Variants in RAPGEF2 observed in about 807,000 individuals in gnomAD.
RAPGEF2 encodes Rap guanine nucleotide exchange factor 2.
RAPGEF2 carries 54 observed loss-of-function variants against 186.7 expected under a neutral mutation model. That is an observed-to-expected ratio of 0.29 (90% CI 0.23 to 0.36). The LOEUF (loss-of-function observed/expected upper bound fraction) is 0.36. Ranked by LOEUF, RAPGEF2 falls within the 10% of genes least tolerant of loss-of-function variation. The pLI is 1.00. For synonymous variants in RAPGEF2, 712 were observed against 705.9 expected (o/e 1.01, Z -0.14); for missense variants, 1,532 against 2,045.0 (o/e 0.75, Z 4.84).
intron 1 of RAPGEF2, among the ~76,000 whole-genome samples, chr4:159,181,729 G>A (rs1358154176): frequency 6.6e-6 from 1 of 152,002 alleles, no homozygotes; most frequent in African/African-American, 2.4e-5. Flanking sequence ...TAGAGACGGG[G>A]TTTCACCATG....
At chr4:159,229,562 G>T (rs1752400950) in intron 4 of RAPGEF2, 1 of 152,182 alleles carries the variant, frequency 6.6e-6, no homozygotes, top group Admixed American at 6.5e-5. Context: ...CTTTCATGCG[G>T]TGTGGGAGTC....
At chr4:159,270,831 A>C (rs994920499) in intron 7 of RAPGEF2, among the ~76,000 whole-genome samples, 1 of 152,186 alleles carries the variant, frequency 6.6e-6, no homozygotes, top group Non-Finnish European at 1.5e-5. Context: ...ACTAAGATGA[A>C]TACCCATGTG....
chr4:159,164,632 T>A (rs1412142092), intron 1 of RAPGEF2, among the ~76,000 whole-genome samples: 1 of 152,168 alleles, frequency 6.6e-6, no homozygotes, highest in East Asian at 1.9e-4. Context: ...TAGTTATTGT[T>A]GATAAATCAT....
intron 28 of RAPGEF2, among the ~76,000 whole-genome samples, chr4:159,354,508 T>C (rs1731665874): frequency 6.6e-6 from 1 of 152,218 alleles, no homozygotes; most frequent in South Asian, 2.1e-4. Context: ...TGCACGCACA[T>C]TGTTGATAAG....
chr4:159,286,165 G>A (rs2110925279), intron 7 of RAPGEF2, among the ~76,000 whole-genome samples: 1 of 151,200 alleles, frequency 6.6e-6, no homozygotes, highest in South Asian at 2.1e-4. Flanking sequence ...AATCACTGGG[G>A]TTGCCATCTA....
intron 1 of RAPGEF2, among the ~76,000 whole-genome samples, chr4:159,155,108 A>G (rs1743978635): frequency 6.6e-6 from 1 of 152,148 alleles, no homozygotes; most frequent in Non-Finnish European, 1.5e-5. Flanking sequence ...AAATCTCCCC[A>G]GAGATTAACA....
chr4:159,353,008 T>C lies in RAPGEF2; in HGVS notation c.4091+98T>C. ...AGTGTTTGTTTTTATTTATTTTACATAATGCCTAAGAATTTTTCTGCCATC... is the reference window on the plus strand; with the variant it reads ...AGTGTTTGTTTTTATTTATTTTACACAATGCCTAAGAATTTTTCTGCCATC... On this transcript the variant is annotated intron_variant, in intron 27 of 29. Transcript: ENST00000691494. The surrounding 1 kb of genome is among the most constrained non-coding windows in gnomAD (Gnocchi z 4.3). The C allele has an allele frequency of 8.6e-7, 1 of 1,160,234 alleles. No homozygotes were observed. 71.9% of individuals were successfully genotyped at this position (1,160,234 alleles called of 1,614,324 possible). A position where few individuals can be genotyped will look rare whatever the true frequency, so the allele number is the denominator to read the frequency against.
chr4:159,218,860 TGTG>T (rs1751241791), intron 4 of RAPGEF2, among the ~76,000 whole-genome samples: 1 of 152,210 alleles, frequency 6.6e-6, no homozygotes, highest in Non-Finnish European at 1.5e-5. Context: ...GGCTACTAAG[TGTG>T]TAAGAACTGC....
At chr4:159,329,725 A>G (rs978492348) in intron 11 of RAPGEF2, 133 bp from the exon 12 acceptor site, 4 of 648,832 alleles carry the variant, frequency 6.2e-6, no homozygotes, top group Non-Finnish European at 9.9e-6. Flanking sequence ...GGTTCATTAC[A>G]GCATTAATTT....
chr4:159,278,393 T>C (rs1056806446), intron 7 of RAPGEF2, among the ~76,000 whole-genome samples: 1 of 152,184 alleles, frequency 6.6e-6, no homozygotes, highest in Non-Finnish European at 1.5e-5. Flanking sequence ...TCTTATAATT[T>C]ATATGATTTT....
intron 7 of RAPGEF2, among the ~76,000 whole-genome samples, chr4:159,274,015 C>G (rs1758528795): frequency 6.6e-6 from 1 of 152,122 alleles, no homozygotes; most frequent in Admixed American, 6.5e-5. Context: ...CGGTCTTGAG[C>G]TCCTGACCTC....
At chr4:159,293,309 T>C (rs145160507) in intron 7 of RAPGEF2, among the ~76,000 whole-genome samples, 134 of 152,356 alleles carry the variant, frequency 8.8e-4, no homozygotes, top group Middle Eastern at 3.4e-3. Flanking sequence ...GCAGTACTTA[T>C]CACAACTTGA....
At chr4:159,232,495 T>C (rs1752757701) in intron 4 of RAPGEF2, among the ~76,000 whole-genome samples, 2 of 152,202 alleles carry the variant, frequency 1.3e-5, no homozygotes, top group African/African-American at 2.4e-5. Flanking sequence ...TATTCCTTTG[T>C]GTGTGTATGC....
At chr4:159,187,191 A>C (rs1747646897) in intron 2 of RAPGEF2, among the ~76,000 whole-genome samples, 1 of 152,150 alleles carries the variant, frequency 6.6e-6, no homozygotes, top group Non-Finnish European at 1.5e-5. Context: ...TACTTTTACA[A>C]AGTTGAATTC....
At chr4:159,139,986 C>T (rs905290014) in intron 1 of RAPGEF2, among the ~76,000 whole-genome samples, 2 of 152,228 alleles carry the variant, frequency 1.3e-5, no homozygotes, top group East Asian at 3.9e-4. Flanking sequence ...TTGAGTTATA[C>T]CATTTCACCA....
chr4:159,218,170 G>A (rs1292882519), intron 4 of RAPGEF2, among the ~76,000 whole-genome samples: 2 of 152,162 alleles, frequency 1.3e-5, no homozygotes, highest in African/African-American at 2.4e-5. Flanking sequence ...GATAAGTGAG[G>A]GATGGAGTTC....
At chr4:159,164,605 G>A (rs754811787) in intron 1 of RAPGEF2, among the ~76,000 whole-genome samples, 7 of 152,058 alleles carry the variant, frequency 4.6e-5, no homozygotes, top group Non-Finnish European at 1.0e-4. Flanking sequence ...TCAGCACAGT[G>A]TCTGGCATAT....
intron 7 of RAPGEF2, among the ~76,000 whole-genome samples, chr4:159,279,876 G>A (rs1759460153): frequency 6.6e-6 from 1 of 151,946 alleles, no homozygotes; most frequent in South Asian, 2.1e-4. Context: ...TAGAGATGGG[G>A]TTTCACCATG....
chr4:159,243,726 A>C (rs1450548799), intron 6 of RAPGEF2, 48 bp from the exon 7 acceptor site: 1 of 1,210,334 alleles, frequency 8.3e-7, no homozygotes, highest in Admixed American at 2.3e-5. Context: ...GATAATGTTC[A>C]TCTTTTCCTT....
Sources: allele counts gnomAD v4.1 joint callset (sites outside exome capture counted in the v4.1 genomes callset), GRCh38; gene constraint gnomAD v4.1.1; non-coding constraint Gnocchi (gnomAD v3.1); transcripts MANE v1.5; gene names NCBI Gene and HGNC (gene_info 2026-07-23, HGNC 2026-07-21).